GMNC: variants seen among roughly 807,000 people sequenced by gnomAD.
GMNC encodes geminin coiled-coil domain-containing protein 1.
GMNC carries 16 observed loss-of-function variants against 33.6 expected under a neutral mutation model. That is an observed-to-expected ratio of 0.48 (90% CI 0.32 to 0.72). GMNC has a LOEUF of 0.72. GMNC is among the 30% of genes least tolerant of loss of function. The pLI is 0.03. For missense variants in GMNC, 393 were observed against 388.9 expected (o/e 1.01, Z -0.09); for synonymous variants, 156 against 147.3 (o/e 1.06, Z -0.43).
In GMNC at chr3:190,855,433, G is replaced by A; in HGVS notation, c.867C>T (p.Asn289=). ...ATGTGGAAAATGCCATCTCTGTCTTGTTGGGTGACACATGAGCAGTATAGT... is the reference window on the plus strand; with the variant it reads ...ATGTGGAAAATGCCATCTCTGTCTTATTGGGTGACACATGAGCAGTATAGT... ...LPYYTAHVSP[N]KTEMAFSTSL... is the part of the protein sequence containing the mutation. Residue 289 remains asparagine (N), a synonymous_variant, in exon 5 of 5, where the codon AAC becomes AAT. Transcript: ENST00000442080. The A allele has an allele frequency of 6.4e-7, 1 of 1,552,022 alleles. No individual in the cohort carries two copies. The highest frequency in any genetic ancestry group is 8.7e-7 in the Non-Finnish European group (1 of 1,147,024).
rs956066912 is a variant in GMNC, at chr3:190,862,222, C to T, written c.3+391G>A. The stretch of plus-strand genomic sequence containing the variant: ...ATGCAATTGATACCTGAGAAGAAAA[C>T]AAACTTCAAATATCCCTAGACAAGT... On this transcript the variant is annotated intron_variant, in intron 1 of 4. Coordinates refer to ENST00000442080, the MANE Select transcript of GMNC (RefSeq NM_001146686.3). This position sits in a 1 kb window ranked among gnomAD's most constrained non-coding sequence, Gnocchi z 4.5. 1.3e-5 allele frequency among the ~76,000 whole-genome samples: 2 copies of T among 152,028 alleles called. No individual in the cohort carries two copies. Among genetic ancestry groups the T allele is most frequent in the African/African-American group, 4.8e-5 (2 of 41,380 alleles).
chr3:190,860,910 G>A, intron 1 of GMNC, 52 bp from the exon 2 acceptor site: 3 of 1,346,336 alleles, frequency 2.2e-6, no homozygotes, highest in Middle Eastern at 3.7e-4. Context: ...TGGGGTGATG[G>A]AGATTTAGAA....
At chr3:190,847,840 A>G (rs1016420252), downstream of GMNC, among the ~76,000 whole-genome samples, 12 of 152,172 alleles carry the variant, frequency 7.9e-5, 1 homozygote, top group Non-Finnish European at 1.5e-5. Context: ...GCCCACTACC[A>G]TATACTCTCC....
At chr3:190,844,183 C>A in the GMNC span, among the ~76,000 whole-genome samples, 1 of 152,058 alleles carries the variant, frequency 6.6e-6, no homozygotes, top group Non-Finnish European at 1.5e-5. Flanking sequence ...ACAGATTCAC[C>A]ACCATGACTT....
At chr3:190,859,794 G>T in intron 2 of GMNC, 1 of 453,836 alleles carries the variant, frequency 2.2e-6, no homozygotes, top group Non-Finnish European at 4.4e-6. Context: ...TTAGACTCTT[G>T]TCCTTCTCTG....
intron 4 of GMNC, 70 bp downstream of exon 4, chr3:190,857,713 T>C (rs1737777049): frequency 2.5e-6 from 2 of 803,764 alleles, no homozygotes; most frequent in Non-Finnish European, 4.2e-6. Flanking sequence ...TCAAGGAGTT[T>C]TACATAAATC....
Position 190,855,478 on chromosome 3 carries a change from C to A in GMNC, c.822G>T (p.Val274=). 1 of 1,551,922 alleles carries A rather than the reference C, an allele frequency of 6.4e-7. No individual in the cohort carries two copies. The highest frequency in any genetic ancestry group is 8.7e-7 in the Non-Finnish European group (1 of 1,146,984). The change falls in exon 5 of 5, where the codon GTG becomes GTT. Residue 274 remains valine (V), a synonymous_variant. Transcript: ENST00000442080. ...TATAGTAAGGAAGAGTTTTCAGCCC[C>A]ACTGGGGGATTTGAAAGTTGAGAAA... is the stretch of plus-strand genomic sequence containing the variant. ...HILSQLSNPP[V]GLKTLPYYTA...
At chr3:190,845,918 GTTACA>G in the GMNC span, among the ~76,000 whole-genome samples, 3 of 152,114 alleles carry the variant, frequency 2.0e-5, no homozygotes, top group African/African-American at 4.8e-5. Context: ...TATATATATA[GTTACA>G]TTACATATAA....
intron 2 of GMNC, 23 bp from the exon 3 acceptor site, chr3:190,859,039 C>A (rs1462270409): frequency 7.3e-7 from 1 of 1,365,638 alleles, no homozygotes; most frequent in East Asian, 2.5e-5. Flanking sequence ...AAATAGATAA[C>A]TGAGAAAATA....
In GMNC at chr3:190,855,694, A is replaced by G. The variant is rs963365640; in HGVS notation, c.606T>C (p.Asp202=). 1.2e-5 allele frequency: 18 copies of G among 1,551,488 alleles called. No individual in the cohort carries two copies. The African/African-American group carries it at 2.5e-4, about 21-fold the overall frequency. ...TLGLKDLDTI[D]DTSSANYSAL... is the part of the protein sequence containing the mutation. ...CACTGTAGTTAGCTGATGAGGTGTCATCGATAGTGTCAAGGTCTTTTAACC... is the reference window on the plus strand; with the variant it reads ...CACTGTAGTTAGCTGATGAGGTGTCGTCGATAGTGTCAAGGTCTTTTAACC... Residue 202 remains aspartate, a synonymous_variant, in exon 5 of 5, where the codon GAT becomes GAC. Coordinates refer to ENST00000442080, the MANE Select transcript of GMNC (RefSeq NM_001146686.3).
chr3:190,844,899 T>C, the GMNC span, among the ~76,000 whole-genome samples: 10 of 152,196 alleles, frequency 6.6e-5, no homozygotes, highest in Non-Finnish European at 1.3e-4. Flanking sequence ...ATTAGCTTAC[T>C]TTGTTATCTG....
chr3:190,860,851 A>G lies in GMNC; in HGVS notation c.11T>C (p.Ile4Thr). MNT[I>T]LPCQDQYFVG... ...AAAGTACTGGTCTTGGCAAGGCAGA[A>G]TGGTGTTCTGTGAAATTCAGTATGG... Residue 4 changes from isoleucine (I) to threonine (T), a missense_variant, in exon 2 of 5, where the codon ATT becomes ACT. By Grantham distance (89) the Ile-to-Thr change is moderately conservative. Transcript: ENST00000442080. 6.5e-7 allele frequency: 1 copy of G among 1,547,316 alleles called. No individual in the cohort carries two copies. Among genetic ancestry groups the G allele is most frequent in the East Asian group, 2.5e-5 (1 of 40,750 alleles).
intron 3 of GMNC, among the ~76,000 whole-genome samples, chr3:190,858,499 G>A (rs6807312): frequency 0.52 from 79,800 of 152,050 alleles, 24,232 homozygotes; most frequent in African/African-American, 0.85. Context: ...GGGCAAAACT[G>A]ACACAACATG....
chr3:190,860,631 G>C (rs1365951606), intron 2 of GMNC, 53 bp downstream of exon 2: 1 of 1,454,956 alleles, frequency 6.9e-7, no homozygotes, highest in Non-Finnish European at 9.3e-7. Flanking sequence ...CCGCAGCCAC[G>C]GGTATGGAAA....
At position 190,854,677 on chromosome 3, in the gene GMNC, G is replaced by A. The variant is rs1267609518; in HGVS notation, c.*618C>T. On this transcript the variant is annotated 3_prime_UTR_variant, in exon 5 of 5. Coordinates refer to ENST00000442080, the MANE Select transcript of GMNC (RefSeq NM_001146686.3). ...TTATCTGTGATATTGATTATTAGTG[G>A]AGTTACAGTTGTTTTAAGAGGCTTT... The A allele has an allele frequency of 6.6e-6, 1 of 152,428 alleles. No individual in the cohort carries two copies. The highest frequency in any genetic ancestry group is 2.4e-5 in the African/African-American group (1 of 41,414). The allele number at this position is 152,428 out of a possible 1,614,324, so 9.4% of individuals were successfully genotyped here.
chr3:190,843,507 G>A, the GMNC span, among the ~76,000 whole-genome samples: 2 of 152,042 alleles, frequency 1.3e-5, no homozygotes, highest in African/African-American at 2.4e-5. Context: ...GACAGCAGGG[G>A]CACCTTAAAA....
At chr3:190,850,986 T>C (rs1281058112), downstream of GMNC, among the ~76,000 whole-genome samples, 1 of 152,050 alleles carries the variant, frequency 6.6e-6, no homozygotes, top group Non-Finnish European at 1.5e-5. Context: ...AAAATACCAC[T>C]GTAAGAAAAC....
the GMNC span, among the ~76,000 whole-genome samples, chr3:190,844,915 T>G: frequency 6.6e-6 from 1 of 152,304 alleles, no homozygotes; most frequent in South Asian, 2.1e-4. Context: ...ATCTGCAATA[T>G]GTAGGAGATT....
intron 3 of GMNC, 26 bp from the exon 4 acceptor site, chr3:190,857,925 G>A: frequency 8.4e-7 from 1 of 1,186,692 alleles, no homozygotes; most frequent in Non-Finnish European, 1.2e-6. Context: ...AGTGGTGAAG[G>A]CTGCTCCACT....
Sources: allele counts gnomAD v4.1 joint callset (sites outside exome capture counted in the v4.1 genomes callset), GRCh38; gene constraint gnomAD v4.1.1; non-coding constraint Gnocchi (gnomAD v3.1); transcripts MANE v1.5; gene names NCBI Gene and HGNC (gene_info 2026-07-23, HGNC 2026-07-21).